Variants in SPEF2 observed in about 807,000 individuals in gnomAD.
SPEF2 encodes sperm flagella and cilia-associated protein 2.
Under a neutral mutation model 224.6 loss-of-function variants are expected in SPEF2, and 187 were observed. The ratio of observed to expected loss-of-function variants is 0.83; its 90% CI spans 0.74 to 0.94. The LOEUF (loss-of-function observed/expected upper bound fraction) is 0.94, where lower values mean the gene tolerates loss of function less well. SPEF2 is among the 40% of genes least tolerant of loss of function. SPEF2 has a pLI of 0.00. For synonymous variants in SPEF2, 715 were observed against 707.3 expected (o/e 1.01, Z -0.17); for missense variants, 2,170 against 2,135.6 (o/e 1.02, Z -0.32).
At chr5:35,769,253 GGAAC>G (rs1752472861) in intron 26 of SPEF2, among the ~76,000 whole-genome samples, 1 of 152,054 alleles carries the variant, frequency 6.6e-6, no homozygotes, top group Admixed American at 6.6e-5. Flanking sequence ...GTGCTTTGCA[GGAAC>G]CGATTAAAAA....
At chr5:35,705,050 G>A (rs1032488830) in intron 17 of SPEF2, among the ~76,000 whole-genome samples, 8 of 152,018 alleles carry the variant, frequency 5.3e-5, no homozygotes, top group African/African-American at 1.9e-4. Flanking sequence ...TCTTCTGGTT[G>A]TGTGCAATTT....
intron 34 of SPEF2, among the ~76,000 whole-genome samples, chr5:35,802,385 A>G (rs1757538695): frequency 1.3e-5 from 2 of 152,182 alleles, no homozygotes; most frequent in Admixed American, 6.5e-5. Context: ...ACAAACATTT[A>G]TTGAGCACCT....
intron 21 of SPEF2, among the ~76,000 whole-genome samples, chr5:35,730,691 A>G (rs1745503602): frequency 6.6e-6 from 1 of 152,232 alleles, no homozygotes; most frequent in African/African-American, 2.4e-5. Context: ...GGAAATGATC[A>G]ATCATTTAGG....
chr5:35,801,189 C>T (rs555487625), intron 34 of SPEF2, among the ~76,000 whole-genome samples: 42 of 152,324 alleles, frequency 2.8e-4, no homozygotes, highest in African/African-American at 9.6e-4. Flanking sequence ...AGAATTCTGC[C>T]TTCTTTGACA....
intron 10 of SPEF2, among the ~76,000 whole-genome samples, chr5:35,688,269 G>A (rs568895872): frequency 3.7e-4 from 57 of 152,070 alleles, no homozygotes; most frequent in Non-Finnish European, 7.4e-4. Context: ...TTTGTTGCAC[G>A]GACTAGAACT....
At chr5:35,667,396 G>A (rs1750631604) in intron 9 of SPEF2, 137 bp downstream of exon 9, 2 of 723,594 alleles carry the variant, frequency 2.8e-6, no homozygotes, top group Admixed American at 7.6e-5. Context: ...GGGTCCAGGA[G>A]ACCTTGATTA....
chr5:35,799,190 A>G (rs976841213), intron 33 of SPEF2, among the ~76,000 whole-genome samples: 2 of 152,218 alleles, frequency 1.3e-5, no homozygotes, highest in Admixed American at 6.5e-5. Flanking sequence ...AAGGTTCTCC[A>G]GGTCATAAAT....
intron 23 of SPEF2, among the ~76,000 whole-genome samples, chr5:35,744,261 T>G (rs141801616): frequency 1.2e-4 from 18 of 152,338 alleles, no homozygotes; most frequent in African/African-American, 4.3e-4. Flanking sequence ...TGCATGATCT[T>G]CTCAATTAAT....
rs746963231 is a variant in SPEF2 at position 35,670,068 on chromosome 5, G to T, written c.1365G>T (p.Pro455=). 6.9e-6 allele frequency: 11 copies of T among 1,600,280 alleles called. No homozygotes were observed. The highest frequency in any genetic ancestry group is 8.5e-6 in the Non-Finnish European group (10 of 1,174,670). Residue 455 remains proline, a synonymous_variant, in exon 10 of 37, where the codon CCG becomes CCT. Coordinates refer to ENST00000356031, the MANE Select transcript of SPEF2 (RefSeq NM_024867.4). The stretch of plus-strand genomic sequence containing the variant: ...TTTTTTTGTGCGATAGTCTGATTCC[G>T]TATAAGTTGATGCATGATTGGAAGG... ...DYRMLTNNLI[P]YKLMHDWKEL...
chr5:35,696,891 T>A (rs918410473), intron 14 of SPEF2, among the ~76,000 whole-genome samples: 1 of 152,084 alleles, frequency 6.6e-6, no homozygotes, highest in Non-Finnish European at 1.5e-5. Context: ...GCCCACTGGA[T>A]CTGGGGAAGT....
At chr5:35,744,558 G>A (rs1023704936) in intron 23 of SPEF2, among the ~76,000 whole-genome samples, 1 of 152,186 alleles carries the variant, frequency 6.6e-6, no homozygotes, top group Non-Finnish European at 1.5e-5. Context: ...TTCACACTGA[G>A]TCCGTGGGAG....
intron 16 of SPEF2, among the ~76,000 whole-genome samples, chr5:35,704,067 G>C (rs1308483524): frequency 6.6e-6 from 1 of 151,824 alleles, no homozygotes; most frequent in Non-Finnish European, 1.5e-5. Context: ...GTTTGTTTTT[G>C]GTCTCTTTGG....
chr5:35,670,548 C>T, intron 10 of SPEF2: 1 of 1,004,438 alleles, frequency 1.0e-6, no homozygotes, highest in Non-Finnish European at 1.2e-6. Context: ...GGGCTGTGTA[C>T]TTTTGCTTCA....
chr5:35,696,512 T>C (rs1008563188), intron 14 of SPEF2, among the ~76,000 whole-genome samples: 5 of 152,200 alleles, frequency 3.3e-5, no homozygotes, highest in Non-Finnish European at 7.3e-5. Flanking sequence ...AGAAAGTATG[T>C]TTTATATTTA....
Position 35,726,931 on chromosome 5 carries a change from C to T in SPEF2, c.2915-744C>T, listed in dbSNP as rs78611844. 6.1e-3 allele frequency among the ~76,000 whole-genome samples: 929 copies of T among 152,136 alleles called. 15 individuals carry two copies. The highest frequency in any genetic ancestry group is 0.022 in the African/African-American group (893 of 41,508). On this transcript the variant is annotated intron_variant, in intron 20 of 36. Transcript: ENST00000356031. ...GGGAAAGTGAAGTGAATGTCCTTTT[C>T]GGATTCTGAATTGAAAATTAGACCT...
intron 36 of SPEF2, among the ~76,000 whole-genome samples, chr5:35,814,192 T>C (rs1758699370): frequency 6.6e-6 from 1 of 152,210 alleles, no homozygotes; most frequent in Non-Finnish European, 1.5e-5. Context: ...GTGTAACTGC[T>C]TTTACAAATG....
chr5:35,701,697 A>C (rs1258480619), intron 16 of SPEF2, among the ~76,000 whole-genome samples: 1 of 152,186 alleles, frequency 6.6e-6, no homozygotes, highest in Admixed American at 6.5e-5. Flanking sequence ...TGTTCTTAGA[A>C]ATGAAAATAA....
At chr5:35,665,267 T>C (rs1750314161) in intron 8 of SPEF2, among the ~76,000 whole-genome samples, 1 of 152,122 alleles carries the variant, frequency 6.6e-6, no homozygotes, top group South Asian at 2.1e-4. Context: ...CCACGGAGAT[T>C]TACTACCTCC....
intron 10 of SPEF2, chr5:35,671,590 C>A: frequency 1.1e-6 from 1 of 882,472 alleles, no homozygotes; most frequent in South Asian, 5.2e-5. Context: ...ACTGGTTCAT[C>A]GAATGTTTAT....
Sources: gnomAD v4.1 joint callset for allele counts (sites outside exome capture counted in the v4.1 genomes callset) on GRCh38, gnomAD v4.1.1 for gene constraint, MANE v1.5 for transcripts, NCBI Gene and HGNC (gene_info 2026-07-23, HGNC 2026-07-21) for gene names.